Variants in DNAJC3 observed in about 807,000 individuals in gnomAD.
The protein encoded by DNAJC3 is DnaJ heat shock protein family (Hsp40) member C3, also known as dnaJ homolog subfamily C member 3.
Under a neutral mutation model 68.6 loss-of-function variants are expected in DNAJC3, and 38 were observed. The observed-to-expected ratio is 0.55, with a 90% CI of 0.43 to 0.73. The LOEUF (loss-of-function observed/expected upper bound fraction) is 0.73, where lower values mean the gene tolerates loss of function less well. Ranked by LOEUF, DNAJC3 falls within the 30% of genes least tolerant of loss-of-function variation. The pLI is 0.00. For synonymous variants in DNAJC3, 203 were observed against 204.0 expected, an observed-to-expected ratio of 1.00 and a Z score of 0.04; for missense variants, 526 against 591.9, an observed-to-expected ratio of 0.89 and a Z score of 1.16.
chr13:95,790,357 A>G (rs1883730435), intron 11 of DNAJC3, among the ~76,000 whole-genome samples: 1 of 152,034 alleles, frequency 6.6e-6, no homozygotes, highest in Non-Finnish European at 1.5e-5. Flanking sequence ...GGGGGCACCA[A>G]TTGCATGGGA....
intron 2 of DNAJC3, among the ~76,000 whole-genome samples, chr13:95,711,631 C>T (rs898932083): frequency 2.6e-5 from 4 of 151,968 alleles, no homozygotes; most frequent in Admixed American, 6.6e-5. Flanking sequence ...AGCCATTCCA[C>T]GCAAATAAAG....
chr13:95,685,360 G>A (rs1042152869), intron 1 of DNAJC3, among the ~76,000 whole-genome samples: 6 of 152,270 alleles, frequency 3.9e-5, no homozygotes, highest in African/African-American at 7.2e-5. Context: ...TCTTTTGGCC[G>A]GTTTTACCCT....
chr13:95,786,722 T>TA (rs1883612640), intron 10 of DNAJC3, among the ~76,000 whole-genome samples: 1 of 152,166 alleles, frequency 6.6e-6, no homozygotes, highest in African/African-American at 2.4e-5. Context: ...TTCAGAAAGT[T>TA]AAAAAATTCA....
intron 1 of DNAJC3, among the ~76,000 whole-genome samples, chr13:95,688,303 A>G (rs1424456789): frequency 6.6e-6 from 1 of 151,896 alleles, no homozygotes. Flanking sequence ...TAAGACTTCC[A>G]GTACTGTGGC....
intron 1 of DNAJC3, among the ~76,000 whole-genome samples, chr13:95,697,176 A>G (rs919047339): frequency 1.1e-4 from 16 of 152,316 alleles, no homozygotes; most frequent in Admixed American, 2.6e-4. Context: ...TTGTTTCCAC[A>G]TTTAGAACTC....
chr13:95,723,309 A>C lies in DNAJC3; in HGVS notation c.261A>C (p.Ser87=), dbSNP rs373858454. Residue 87 remains serine, a synonymous_variant, in exon 3 of 12, where the codon TCA becomes TCC. Transcript: ENST00000602402. ...RATVFLAMGK[S]KAALPDLTKV... ...CTGTCTTTTTAGCTATGGGCAAATC[A>C]AAAGCTGCACTTCCTGATTTAACTA... 1.2e-6 allele frequency: 2 copies of C among 1,611,868 alleles called. No individual in the cohort carries two copies. The highest frequency in any genetic ancestry group is 1.7e-6 in the Non-Finnish European group (2 of 1,178,266).
chr13:95,694,992 A>G (rs1044382074), intron 1 of DNAJC3: 2 of 152,456 alleles, frequency 1.3e-5, no homozygotes, highest in Non-Finnish European at 2.9e-5. Flanking sequence ...TATCATTCTG[A>G]GGCGCTACAG....
At chr13:95,782,732 T>A (rs536975669) in intron 9 of DNAJC3, among the ~76,000 whole-genome samples, 107 of 152,330 alleles carry the variant, frequency 7.0e-4, no homozygotes, top group African/African-American at 2.5e-3. Context: ...AAAAATTTTC[T>A]CCCATTCATG....
chr13:95,781,054 C>A (rs534841670), intron 9 of DNAJC3, among the ~76,000 whole-genome samples: 8 of 152,146 alleles, frequency 5.3e-5, no homozygotes, highest in African/African-American at 1.9e-4. Flanking sequence ...GAGAACGTCC[C>A]CAGTGGCACT....
intron 9 of DNAJC3, among the ~76,000 whole-genome samples, chr13:95,783,890 C>T (rs184534217): frequency 6.6e-6 from 1 of 152,094 alleles, no homozygotes; most frequent in African/African-American, 2.4e-5. Flanking sequence ...GGCCAGAGTC[C>T]CAGCTAGTGT....
intron 6 of DNAJC3, 54 bp downstream of exon 6, chr13:95,760,275 T>A: frequency 7.2e-7 from 1 of 1,384,940 alleles, no homozygotes; most frequent in Non-Finnish European, 9.5e-7. Context: ...GCAGTAAGAT[T>A]ACCTCATCTT....
chr13:95,689,228 C>CT (rs1207490417), intron 1 of DNAJC3, among the ~76,000 whole-genome samples: 1,912 of 125,288 alleles, frequency 0.015, 48 homozygotes, highest in African/African-American at 0.052. Flanking sequence ...CTGTCCTGGG[C>CT]TTTTTTTTTT....
chr13:95,716,088 G>A (rs1190312991), intron 2 of DNAJC3, among the ~76,000 whole-genome samples: 3 of 152,102 alleles, frequency 2.0e-5, no homozygotes, highest in Non-Finnish European at 4.4e-5. Context: ...AACCTGGGAG[G>A]TGGAGGTTGC....
chr13:95,719,969 A>C lies in DNAJC3; in HGVS notation c.194-3273A>C, dbSNP rs146252828. Among the ~76,000 whole-genome samples the C allele has an allele frequency of 2.9e-3, 443 of 152,308 alleles. 2 individuals carry two copies. Among genetic ancestry groups the C allele is most frequent in the African/African-American group, 0.01 (424 of 41,554 alleles). Reference sequence around the variant, plus strand: ...TGTTTTACTGTACTTTTTAGGGAATAATGAAAAAAGTCTGTACATGTTCAG... The same window carrying C: ...TGTTTTACTGTACTTTTTAGGGAATCATGAAAAAAGTCTGTACATGTTCAG... On this transcript the variant is annotated intron_variant, in intron 2 of 11. Transcript: ENST00000602402.
At chr13:95,764,838 A>G (rs1359944503) in intron 9 of DNAJC3, among the ~76,000 whole-genome samples, 1 of 150,700 alleles carries the variant, frequency 6.6e-6, no homozygotes, top group Admixed American at 6.6e-5. Context: ...TTTTTAAAAA[A>G]ATAAATGAGC....
rs942701718 is a variant in DNAJC3, at chr13:95,737,328, G to A, written c.393+12076G>A. Among the ~76,000 whole-genome samples, 7 of 152,264 alleles carry A rather than the reference G, an allele frequency of 4.6e-5. No individual in the cohort carries two copies. In the South Asian group the frequency reaches 6.2e-4, roughly 14 times the overall value. The stretch of plus-strand genomic sequence containing the variant: ...CTGGCTTTGGTATCAGAATGATGCT[G>A]GCCTCATAAAATGAGTTAGGGAGAA... On this transcript the variant is annotated intron_variant, in intron 4 of 11. Coordinates refer to ENST00000602402, the MANE Select transcript of DNAJC3 (RefSeq NM_006260.5).
At chr13:95,707,826 C>T (rs1001943559) in intron 1 of DNAJC3, among the ~76,000 whole-genome samples, 3 of 152,108 alleles carry the variant, frequency 2.0e-5, no homozygotes, top group Non-Finnish European at 4.4e-5. Flanking sequence ...GGGTTTAGAG[C>T]TTATTGGAGA....
At chr13:95,754,375 G>C (rs1882586453) in intron 4 of DNAJC3, among the ~76,000 whole-genome samples, 1 of 152,176 alleles carries the variant, frequency 6.6e-6, no homozygotes. Flanking sequence ...GGGAGTGCTA[G>C]CACCATGGAA....
chr13:95,772,534 G>A (rs1264667606), intron 9 of DNAJC3, among the ~76,000 whole-genome samples: 1 of 152,096 alleles, frequency 6.6e-6, no homozygotes, highest in Non-Finnish European at 1.5e-5. Context: ...CAAACATTTT[G>A]TGTTCTCATT....
Sources: gnomAD v4.1 joint callset for allele counts (sites outside exome capture counted in the v4.1 genomes callset) on GRCh38, gnomAD v4.1.1 for gene constraint, MANE v1.5 for transcripts, NCBI Gene and HGNC (gene_info 2026-07-23, HGNC 2026-07-21) for gene names.